FREM1: variants seen among roughly 807,000 people sequenced by gnomAD.
FREM1 encodes FRAS1 related extracellular matrix 1.
In FREM1, 220 loss-of-function variants were observed where a neutral mutation model predicts 210.1. The ratio of observed to expected loss-of-function variants is 1.05; its 90% confidence interval spans 0.94 to 1.17. The LOEUF (loss-of-function observed/expected upper bound fraction) is 1.17. FREM1 is among the 50% of genes most tolerant of loss of function. The pLI is 0.00. For missense variants in FREM1, 3,454 were observed against 2,675.5 expected, an observed-to-expected ratio of 1.29 and a Z score of -6.42; for synonymous variants, 1,189 against 980.2, an observed-to-expected ratio of 1.21 and a Z score of -3.98.
chr9:14,747,787 G>A lies in FREM1; in HGVS notation c.5797-59C>T, dbSNP rs963922650. ...TTGGATTGACTAATAACTAGCAATA[G>A]GGTAAAACCACCAAGTAAGATCTTG... On this transcript the variant is annotated intron_variant, in intron 31 of 36. Coordinates refer to ENST00000380880, the MANE Select transcript of FREM1 (RefSeq NM_001379081.2). 6.1e-6 allele frequency: 6 copies of A among 976,500 alleles called. No individual in the cohort carries two copies. In the African/African-American group the frequency reaches 1.0e-4, roughly 16 times the overall value. The allele number at this position is 976,500 out of a possible 1,614,324, so 60.5% of individuals were successfully genotyped here. A position where few individuals can be genotyped will look rare whatever the true frequency, so the allele number is the denominator to read the frequency against.
chr9:14,773,905 G>C (rs971737753), intron 25 of FREM1, among the ~76,000 whole-genome samples: 1 of 152,098 alleles, frequency 6.6e-6, no homozygotes, highest in Non-Finnish European at 1.5e-5. Context: ...ACCCAGAAAA[G>C]TATCCCTGGT....
At chr9:14,863,045 T>C (rs1049400156) in intron 3 of FREM1, among the ~76,000 whole-genome samples, 3 of 151,980 alleles carry the variant, frequency 2.0e-5, no homozygotes, top group African/African-American at 7.2e-5. Flanking sequence ...CATAGTTGAT[T>C]TTTAAAGAAT....
intron 20 of FREM1, among the ~76,000 whole-genome samples, chr9:14,799,455 A>T (rs1017460273): frequency 2.6e-5 from 4 of 152,210 alleles, no homozygotes; most frequent in Admixed American, 1.3e-4. Context: ...ATTTCTGAGA[A>T]AGTCTCCAAA....
In FREM1 at chr9:14,759,666, T is replaced by G; in HGVS notation, c.5334+106A>C. The G allele has an allele frequency of 2.7e-6, 3 of 1,108,270 alleles. 1 individual carries two copies. The South Asian group carries it at 5.8e-5, about 21-fold the overall frequency. 68.7% of individuals were successfully genotyped at this position (1,108,270 alleles called of 1,614,324 possible). A position where few individuals can be genotyped will look rare whatever the true frequency, so the allele number is the denominator to read the frequency against. Reference sequence around the variant, plus strand: ...CAGAATAGTGGGATCTCCCTGCAATTTGAAATTTCCTTGGTCACTCTGAAT... The same window carrying G: ...CAGAATAGTGGGATCTCCCTGCAATGTGAAATTTCCTTGGTCACTCTGAAT... On this transcript the variant is annotated intron_variant, in intron 28 of 36. Coordinates refer to ENST00000380880, the MANE Select transcript of FREM1 (RefSeq NM_001379081.2).
chr9:14,856,835 C>CAAAA (rs754857691), intron 5 of FREM1, among the ~76,000 whole-genome samples: 13 of 78,072 alleles, frequency 1.7e-4, no homozygotes, highest in African/African-American at 5.4e-4. Context: ...GACTCCGTCT[C>CAAAA]AAAAAAAAAA....
chr9:14,826,755 T>C (rs1242684638), intron 10 of FREM1, among the ~76,000 whole-genome samples: 1 of 152,202 alleles, frequency 6.6e-6, no homozygotes, highest in East Asian at 1.9e-4. Flanking sequence ...TTGTGCCTTA[T>C]AAAAGGGCTC....
At chr9:14,871,789 G>C (rs188747069) in intron 1 of FREM1, among the ~76,000 whole-genome samples, 1 of 151,472 alleles carries the variant, frequency 6.6e-6, no homozygotes, top group Non-Finnish European at 1.5e-5. Context: ...CGGTTTTTAC[G>C]GTTTTAGGTC....
At chr9:14,760,734 C>T (rs566991991) in intron 27 of FREM1, among the ~76,000 whole-genome samples, 1 of 152,180 alleles carries the variant, frequency 6.6e-6, no homozygotes, top group East Asian at 1.9e-4. Flanking sequence ...AATGCCAAAT[C>T]TTCCATCCAA....
At position 14,860,922 on chromosome 9, in the gene FREM1, T is replaced by C. The variant is rs543953284; in HGVS notation, c.330-1438A>G. Among the ~76,000 whole-genome samples, 79 of 110,968 alleles carry C rather than the reference T, an allele frequency of 7.1e-4. 15 individuals carry two copies. The South Asian group carries it at 8.1e-3, about 11-fold the overall frequency. 72.8% of individuals were successfully genotyped at this position (110,968 alleles called of 152,430 possible). On this transcript the variant is annotated intron_variant, in intron 3 of 36. Coordinates refer to ENST00000380880, the MANE Select transcript of FREM1 (RefSeq NM_001379081.2). ...ATATACACATATACACATATACACA[T>C]ATATACACATATACACACATATACA...
rs1821730353 is a variant in FREM1, at chr9:14,823,343, AGATGGATAT to A, written c.2170-25_2170-17del. 1 of 1,608,786 alleles carries A rather than the reference AGATGGATAT, an allele frequency of 6.2e-7. No individual in the cohort carries two copies. The highest frequency in any genetic ancestry group is 1.3e-5 in the African/African-American group (1 of 74,864). On this transcript the variant is annotated splice_polypyrimidine_tract_variant and intron_variant, in intron 12 of 36. Coordinates refer to ENST00000380880, the MANE Select transcript of FREM1 (RefSeq NM_001379081.2). Reference sequence around the variant, plus strand: ...TCACAGCATGCTGCAAAGTAAGTTGAGATGGATATGTGGGTGCTGACTTGCAAGGATCAA... The same window carrying A: ...TCACAGCATGCTGCAAAGTAAGTTGAGTGGGTGCTGACTTGCAAGGATCAA...
intron 36 of FREM1, among the ~76,000 whole-genome samples, chr9:14,739,588 C>T (rs569759899): frequency 6.8e-6 from 1 of 147,288 alleles, no homozygotes; most frequent in Non-Finnish European, 1.5e-5. Flanking sequence ...TATACATACA[C>T]CACATGCATA....
At chr9:14,750,096 C>G (rs781135628) in intron 30 of FREM1, 31 bp downstream of exon 30, 1 of 1,611,250 alleles carries the variant, frequency 6.2e-7, no homozygotes, top group Admixed American at 1.7e-5. Context: ...CAGGACCGCT[C>G]CTGATTTCAA....
intron 35 of FREM1, among the ~76,000 whole-genome samples, chr9:14,745,002 C>T (rs1842163409): frequency 6.6e-6 from 1 of 152,136 alleles, no homozygotes; most frequent in Non-Finnish European, 1.5e-5. Context: ...TTATCTGTAG[C>T]AAACTAATGC....
chr9:14,879,680 G>A (rs72713613), intron 1 of FREM1, among the ~76,000 whole-genome samples: 6,827 of 152,198 alleles, frequency 0.045, 183 homozygotes, highest in East Asian at 0.13. Flanking sequence ...TCAATTTGAC[G>A]GGATTTCTAC....
intron 8 of FREM1, 116 bp from the exon 9 acceptor site, chr9:14,842,776 C>T: frequency 1.4e-6 from 1 of 704,184 alleles, no homozygotes; most frequent in Non-Finnish European, 2.4e-6. Context: ...CCGTATTTCC[C>T]TCACCTGGAA....
intron 16 of FREM1, among the ~76,000 whole-genome samples, chr9:14,810,649 T>C (rs1819232556): frequency 6.6e-6 from 1 of 152,204 alleles, no homozygotes; most frequent in Non-Finnish European, 1.5e-5. Context: ...TAAGATGTTA[T>C]TCTATTACTA....
chr9:14,777,339 G>T (rs1176755519), intron 24 of FREM1, among the ~76,000 whole-genome samples: 1 of 152,074 alleles, frequency 6.6e-6, no homozygotes, highest in African/African-American at 2.4e-5. Flanking sequence ...AAGATTAAGA[G>T]TATCATGAAA....
intron 1 of FREM1, among the ~76,000 whole-genome samples, chr9:14,903,474 G>A (rs777443054): frequency 2.0e-5 from 3 of 152,116 alleles, no homozygotes; most frequent in Non-Finnish European, 4.4e-5. Context: ...ATATTGCCTG[G>A]AATGTCTTTG....
intron 18 of FREM1, 101 bp from the exon 19 acceptor site, chr9:14,805,253 A>G (rs1818158359): frequency 4.8e-6 from 3 of 621,424 alleles, no homozygotes; most frequent in South Asian, 3.6e-5. Context: ...TCAGTAATAC[A>G]AATAAGAGAT....
Sources: gnomAD v4.1 joint callset for allele counts (sites outside exome capture counted in the v4.1 genomes callset) on GRCh38, gnomAD v4.1.1 for gene constraint, MANE v1.5 for transcripts, NCBI Gene and HGNC (gene_info 2026-07-23, HGNC 2026-07-21) for gene names.